BMP8A: variants seen among roughly 807,000 people sequenced by gnomAD.
The protein encoded by BMP8A is BMP-8A.
In BMP8A, 14 loss-of-function variants were observed where a neutral mutation model predicts 36.8. That is an observed-to-expected ratio of 0.38 (90% CI 0.25 to 0.60). The LOEUF (loss-of-function observed/expected upper bound fraction) is 0.60. Ranked by LOEUF, BMP8A falls within the 20% of genes least tolerant of loss-of-function variation. The pLI, the probability that BMP8A is intolerant of heterozygous loss-of-function variation, is 0.63. For missense variants in BMP8A, 267 were observed against 551.1 expected, an observed-to-expected ratio of 0.48 and a Z score of 5.16; for synonymous variants, 120 against 237.7, an observed-to-expected ratio of 0.50 and a Z score of 4.55.
chr1:39,526,392 G>GA lies in BMP8A; in HGVS notation c.*594_*595insA, dbSNP rs1645483903. Among the ~76,000 whole-genome samples the GA allele has an allele frequency of 6.6e-6, 1 of 150,650 alleles. No homozygotes were observed. The highest frequency in any genetic ancestry group is 1.5e-5 in the Non-Finnish European group (1 of 67,806). ...CTCACTCTGTCACCCAGGCTGGAGT[G>GA]CAGTGGTGCAATCCTGGCTCACTGC... On this transcript the variant is annotated 3_prime_UTR_variant, in exon 7 of 7. Coordinates refer to ENST00000331593, the MANE Select transcript of BMP8A (RefSeq NM_181809.4).
Position 39,527,174 on chromosome 1 carries a change from C to T in BMP8A, c.*1376C>T, listed in dbSNP as rs1364226071. On this transcript the variant is annotated 3_prime_UTR_variant, in exon 7 of 7. Transcript: ENST00000331593. The stretch of plus-strand genomic sequence containing the variant: ...GGTGCCCACCAGCGCTGTCCTGTGT[C>T]TTGGGTCTGTGAGTCAAAGAAAAGG... 6.6e-6 allele frequency among the ~76,000 whole-genome samples: 1 copy of T among 152,280 alleles called. No homozygotes were observed.
At chr1:39,505,391 C>G (rs1645292472) in intron 1 of BMP8A, among the ~76,000 whole-genome samples, 1 of 152,212 alleles carries the variant, frequency 6.6e-6, no homozygotes, top group Non-Finnish European at 1.5e-5. Context: ...ACATCCTGCA[C>G]AGCCCTAAAT....
At position 39,525,831 on chromosome 1, in the gene BMP8A, T is replaced by C. The variant is rs1645478393; in HGVS notation, c.*33T>C. 6.2e-7 allele frequency: 1 copy of C among 1,612,482 alleles called. No homozygotes were observed. The highest frequency in any genetic ancestry group is 1.3e-5 in the African/African-American group (1 of 74,926). On this transcript the variant is annotated 3_prime_UTR_variant, in exon 7 of 7. Coordinates refer to ENST00000331593, the MANE Select transcript of BMP8A (RefSeq NM_181809.4). The stretch of plus-strand genomic sequence containing the variant: ...CGCCCAGCCCTACTGCAGCCACCCT[T>C]CTCATCTGGATCGGGCCCTGCAGAG...
chr1:39,506,031 AGACT>A (rs1645298474), intron 1 of BMP8A, among the ~76,000 whole-genome samples: 1 of 151,186 alleles, frequency 6.6e-6, no homozygotes. Context: ...AGGGAAGGAA[AGACT>A]GAGGAACAGT....
intron 3 of BMP8A, chr1:39,514,863 C>T: frequency 2.4e-6 from 3 of 1,268,298 alleles, no homozygotes; most frequent in Non-Finnish European, 3.1e-6. Context: ...GGGAGTGCGT[C>T]AGGGCGCGGG....
chr1:39,493,250 C>T lies in BMP8A; in HGVS notation c.334+925C>T, dbSNP rs924966634. ...AGGGAGTGGGTACCTGCCCCAGCCA[C>T]CAGCCTCCCTCCACAGACAGCATCA... On this transcript the variant is annotated intron_variant, in intron 1 of 6. Transcript: ENST00000331593. 7.2e-5 allele frequency among the ~76,000 whole-genome samples: 11 copies of T among 152,226 alleles called. 1 individual carries two copies. The highest frequency in any genetic ancestry group is 1.9e-4 in the East Asian group (1 of 5,198).
At chr1:39,499,770 T>C (rs1032287584) in intron 1 of BMP8A, among the ~76,000 whole-genome samples, 1 of 152,208 alleles carries the variant, frequency 6.6e-6, no homozygotes, top group Admixed American at 6.5e-5. Flanking sequence ...CTGCCTCCCA[T>C]GTGCAGCTCC....
chr1:39,525,820 G>A lies in BMP8A; in HGVS notation c.*22G>A. The A allele has an allele frequency of 6.2e-7, 1 of 1,613,202 alleles. No individual in the cohort carries two copies. Among genetic ancestry groups the A allele is most frequent in the Non-Finnish European group, 8.5e-7 (1 of 1,179,980 alleles). On this transcript the variant is annotated 3_prime_UTR_variant, in exon 7 of 7. Coordinates refer to ENST00000331593, the MANE Select transcript of BMP8A (RefSeq NM_181809.4). ...CTGAGTCAGCCCGCCCAGCCCTACT[G>A]CAGCCACCCTTCTCATCTGGATCGG... is the stretch of plus-strand genomic sequence containing the variant.
intron 1 of BMP8A, among the ~76,000 whole-genome samples, chr1:39,504,066 G>A (rs562696428): frequency 2.0e-5 from 3 of 152,272 alleles, no homozygotes; most frequent in Admixed American, 6.5e-5. Context: ...CAAATTTCAC[G>A]CCACTAGTAA....
At chr1:39,501,915 A>T (rs1645256532) in intron 1 of BMP8A, among the ~76,000 whole-genome samples, 1 of 152,222 alleles carries the variant, frequency 6.6e-6, no homozygotes, top group South Asian at 2.1e-4. Flanking sequence ...TATCTTACTC[A>T]TGAGGCCTTC....
chr1:39,497,643 T>G (rs1457589982), intron 1 of BMP8A, among the ~76,000 whole-genome samples: 4 of 152,214 alleles, frequency 2.6e-5, no homozygotes, highest in Non-Finnish European at 5.9e-5. Context: ...TCCAGTCGCT[T>G]TCTGCCTGTG....
At chr1:39,511,117 C>T (rs1257824759) in intron 1 of BMP8A, 57 bp from the exon 2 acceptor site, 1 of 1,515,154 alleles carries the variant, frequency 6.6e-7, no homozygotes, top group Non-Finnish European at 9.0e-7. Context: ...ACCAGCTCTG[C>T]CCCCTCCAGA....
chr1:39,491,910 TC>T lies in BMP8A; in HGVS notation c.-78del. ...CCGCCCCCTGCTCGCCGAACTCAGC[TC>T]CCCGTTCGCCGTCGGGGCGTCCCCG... On this transcript the variant is annotated 5_prime_UTR_variant, in exon 1 of 7. Transcript: ENST00000331593. 9.7e-7 allele frequency: 1 copy of T among 1,028,306 alleles called. No homozygotes were observed. The highest frequency in any genetic ancestry group is 4.6e-5 in the South Asian group (1 of 21,792). The allele number at this position is 1,028,306 out of a possible 1,614,324, so 63.7% of individuals were successfully genotyped here. A position where few individuals can be genotyped will look rare whatever the true frequency, so the allele number is the denominator to read the frequency against.
intron 6 of BMP8A, 42 bp downstream of exon 6, chr1:39,523,159 G>T (rs756169066): frequency 2.6e-5 from 41 of 1,601,756 alleles, no homozygotes; most frequent in Non-Finnish European, 3.2e-5. Flanking sequence ...TGGGGTGGGA[G>T]GCCCTGCAGA....
chr1:39,527,566 C>T lies in BMP8A; in HGVS notation c.*1768C>T, dbSNP rs555169469. Among the ~76,000 whole-genome samples, 406 of 152,278 alleles carry T rather than the reference C, an allele frequency of 2.7e-3. 3 individuals are homozygous for T. Among genetic ancestry groups the T allele is most frequent in the Non-Finnish European group, 2.4e-3 (160 of 68,008 alleles). ...AGGGGTGGAGGCTGGGGCCACACTG[C>T]GGGACAGCAGCCCCTCCACCTGGAC... On this transcript the variant is annotated 3_prime_UTR_variant, in exon 7 of 7. Transcript: ENST00000331593.
rs1645477193 is a variant in BMP8A, at chr1:39,525,781, G to A, written c.1192G>A (p.Ala398Thr). The A allele has an allele frequency of 4.3e-6, 7 of 1,614,066 alleles. No individual in the cohort carries two copies. The South Asian group carries it at 7.7e-5, about 18-fold the overall frequency. The change falls in exon 7 of 7, where the codon GCC becomes ACC. Residue 398 changes from alanine to threonine, a missense_variant. Transcript: ENST00000331593. Reference sequence around the variant, plus strand: ...CAAGCACCGCAACATGGTGGTCAAGGCCTGCGGCTGCCACTGAGTCAGCCC... The same window carrying A: ...CAAGCACCGCAACATGGTGGTCAAGACCTGCGGCTGCCACTGAGTCAGCCC... ...LRKHRNMVVK[A>T]CGCH
intron 1 of BMP8A, among the ~76,000 whole-genome samples, chr1:39,499,267 C>T (rs1026403682): frequency 1.1e-4 from 16 of 152,130 alleles, no homozygotes; most frequent in East Asian, 1.9e-4. Flanking sequence ...AGGGACTCTG[C>T]GGGAGGCGTC....
Position 39,492,294 on chromosome 1 carries a change from C to T in BMP8A, c.303C>T (p.Arg101=), listed in dbSNP as rs758646002. Residue 101 remains arginine (R), a synonymous_variant, in exon 1 of 7, where the codon CGC becomes CGT. Coordinates refer to ENST00000331593, the MANE Select transcript of BMP8A (RefSeq NM_181809.4). ...CGCCCGCGGAGCAGCGCCTGGGCCG[C>T]GCCGACCTGGTCATGAGCTTCGTCA... ...DGAPAEQRLG[R]ADLVMSFVNM... is the part of the protein sequence containing the mutation. 22 of 1,563,960 alleles carry T rather than the reference C, an allele frequency of 1.4e-5. No individual in the cohort carries two copies. Among genetic ancestry groups the T allele is most frequent in the Non-Finnish European group, 1.8e-5 (21 of 1,165,862 alleles).
At chr1:39,523,711 A>G in intron 6 of BMP8A, 1 of 1,383,654 alleles carries the variant, frequency 7.2e-7, no homozygotes, top group Non-Finnish European at 9.4e-7. Context: ...AAAGGACAAA[A>G]GCAGGCTTCT....
Sources: gnomAD v4.1 joint callset for allele counts (sites outside exome capture counted in the v4.1 genomes callset) on GRCh38, gnomAD v4.1.1 for gene constraint, MANE v1.5 for transcripts, NCBI Gene and HGNC (gene_info 2026-07-23, HGNC 2026-07-21) for gene names.